PARD3B: variants seen among roughly 807,000 people sequenced by gnomAD.
PARD3B encodes the protein partitioning defective 3 homolog B.
A neutral mutation model predicts 130.2 loss-of-function variants in PARD3B; 103 were observed. That is an observed-to-expected ratio of 0.79 (90% CI 0.67 to 0.93). The LOEUF (loss-of-function observed/expected upper bound fraction) is 0.93, where lower values mean the gene tolerates loss of function less well. Among genes scored for constraint, PARD3B ranks in the 40% least tolerant of loss-of-function variants. The probability of loss-of-function intolerance (pLI) is 0.00; values close to 1 mark genes in which losing one functional copy is unlikely to be tolerated. For synonymous variants in PARD3B, 583 were observed against 553.2 expected (o/e 1.05, Z -0.76); for missense variants, 1,609 against 1,499.2 (o/e 1.07, Z -1.21).
chr2:205,301,747 C>G lies in PARD3B; in HGVS notation c.2630+46C>G. 1 of 1,614,010 alleles carries G rather than the reference C, an allele frequency of 6.2e-7. No homozygotes were observed. Among genetic ancestry groups the G allele is most frequent in the Non-Finnish European group, 8.5e-7 (1 of 1,179,938 alleles). On this transcript the variant is annotated intron_variant, in intron 18 of 22. Transcript: ENST00000406610. The surrounding 1 kb of genome is among the most constrained non-coding windows in gnomAD (Gnocchi z 5.2). ...CAAAGTTGGTTCTCATTTTGTCTCT[C>G]CTGGTAAAATCACTCCTTTGTCTGT...
Position 205,492,765 on chromosome 2 carries a change from T to C in PARD3B, c.3045-7131T>C, listed in dbSNP as rs139660435. On this transcript the variant is annotated intron_variant, in intron 20 of 22. Coordinates refer to ENST00000406610, the MANE Select transcript of PARD3B (RefSeq NM_001302769.2). Reference sequence around the variant, plus strand: ...GATAATTTTCAGAGCTGTTCTAGACTTAAATGTCATTTGAAGAATGCTATG... The same window carrying C: ...GATAATTTTCAGAGCTGTTCTAGACCTAAATGTCATTTGAAGAATGCTATG... Among the ~76,000 whole-genome samples, 143 of 152,298 alleles carry C rather than the reference T, an allele frequency of 9.4e-4. 1 individual carries two copies. Among genetic ancestry groups the C allele is most frequent in the Middle Eastern group, 3.4e-3 (1 of 294 alleles).
intron 2 of PARD3B, among the ~76,000 whole-genome samples, chr2:204,695,220 A>G (rs1338755771): frequency 1.3e-5 from 2 of 151,988 alleles, no homozygotes; most frequent in Non-Finnish European, 2.9e-5. Context: ...AGCTATTTGT[A>G]TAGGCATATC....
intron 18 of PARD3B, among the ~76,000 whole-genome samples, chr2:205,361,122 A>G (rs1039558349): frequency 2.0e-5 from 3 of 152,172 alleles, no homozygotes; most frequent in African/African-American, 7.2e-5. Context: ...AAAAACTTGG[A>G]GGAGACTAAT....
intron 2 of PARD3B, among the ~76,000 whole-genome samples, chr2:204,962,738 T>C (rs890011264): frequency 2.0e-5 from 3 of 152,298 alleles, no homozygotes; most frequent in Non-Finnish European, 2.9e-5. Context: ...ATTGTAGATG[T>C]TGAGATGAAG....
intron 2 of PARD3B, among the ~76,000 whole-genome samples, chr2:204,911,196 C>T (rs75725152): frequency 0.015 from 2,306 of 152,260 alleles, 40 homozygotes; most frequent in African/African-American, 0.039. Context: ...AGTGCACAAA[C>T]GAGACAGCAT....
intron 1 of PARD3B, among the ~76,000 whole-genome samples, chr2:204,666,637 A>G (rs2036037056): frequency 6.6e-6 from 1 of 152,168 alleles, no homozygotes; most frequent in Non-Finnish European, 1.5e-5. Flanking sequence ...GATGGATATC[A>G]TAAGGGGGGT....
At chr2:204,778,996 C>CT (rs1262806494) in intron 2 of PARD3B, among the ~76,000 whole-genome samples, 2 of 152,122 alleles carry the variant, frequency 1.3e-5, no homozygotes, top group African/African-American at 4.8e-5. Flanking sequence ...TCTCAAACCA[C>CT]TTTATTATGT....
chr2:205,303,942 T>C (rs990164497), intron 18 of PARD3B, among the ~76,000 whole-genome samples: 4 of 152,216 alleles, frequency 2.6e-5, no homozygotes, highest in Non-Finnish European at 4.4e-5. Flanking sequence ...ACTATACTTC[T>C]GTGGGCTGAA....
In PARD3B at chr2:205,468,224, A is replaced by AGT. The variant is rs2048700568; in HGVS notation, c.3044+27552_3044+27553insGT. ...CCACAGAAGGCTTCGACAACAACTA[A>AGT]CTCAGGCACATGTGAGACCAAACTC... On this transcript the variant is annotated intron_variant, in intron 20 of 22. Transcript: ENST00000406610. 2.6e-5 allele frequency among the ~76,000 whole-genome samples: 4 copies of AGT among 152,298 alleles called. No individual in the cohort carries two copies. The East Asian group carries it at 7.7e-4, about 29-fold the overall frequency.
At chr2:205,034,683 A>C (rs897431604) in intron 3 of PARD3B, among the ~76,000 whole-genome samples, 2 of 152,222 alleles carry the variant, frequency 1.3e-5, no homozygotes, top group Non-Finnish European at 2.9e-5. Context: ...ATAATTTTTT[A>C]AAAATTATAT....
intron 1 of PARD3B, among the ~76,000 whole-genome samples, chr2:204,574,690 G>A (rs73057269): frequency 0.057 from 8,724 of 152,216 alleles, 835 homozygotes; most frequent in African/African-American, 0.2. Flanking sequence ...GCTGTGGAAC[G>A]CTAAATGAGG....
chr2:205,112,421 C>T (rs1376249321), intron 5 of PARD3B, among the ~76,000 whole-genome samples: 1 of 152,052 alleles, frequency 6.6e-6, no homozygotes, highest in East Asian at 1.9e-4. Flanking sequence ...TTGCTTAATG[C>T]TGTTCTCAAC....
At chr2:204,952,142 G>A (rs908328710) in intron 2 of PARD3B, among the ~76,000 whole-genome samples, 3 of 152,190 alleles carry the variant, frequency 2.0e-5, no homozygotes, top group Non-Finnish European at 2.9e-5. Context: ...CCCCGTGCTA[G>A]TAATGGACAT....
chr2:204,944,534 G>A (rs568080333), intron 2 of PARD3B, among the ~76,000 whole-genome samples: 10 of 152,224 alleles, frequency 6.6e-5, no homozygotes, highest in Non-Finnish European at 1.3e-4. Flanking sequence ...ATCCCATTCA[G>A]CCTGGTGTTC....
chr2:205,176,520 A>G lies in PARD3B; in HGVS notation c.1867A>G (p.Asn623Asp), dbSNP rs192810274. 14,957 of 1,612,812 alleles carry G rather than the reference A, an allele frequency of 9.3e-3. 98 individuals carry two copies. Among genetic ancestry groups the G allele is most frequent in the Admixed American group, 9.7e-3 (579 of 59,950 alleles). Residue 623 changes from asparagine to aspartate, a missense_variant, in exon 13 of 23, where the codon AAT becomes GAT. Transcript: ENST00000406610. The surrounding 1 kb of genome is among the most constrained non-coding windows in gnomAD (Gnocchi z 5.3). ...AAATGCTGTAACCACCTCTAGGCGA[A>G]ATGATAATAGTATCCTGCATCCACT... ...CQNAVTTSRR[N>D]DNSILHPLGT... is the part of the protein sequence containing the mutation.
At chr2:204,826,054 GA>G (rs1314899110) in intron 2 of PARD3B, among the ~76,000 whole-genome samples, 1 of 152,156 alleles carries the variant, frequency 6.6e-6, no homozygotes, top group Non-Finnish European at 1.5e-5. Flanking sequence ...TTTTTCTGAG[GA>G]AATTCCAGGC....
intron 4 of PARD3B, among the ~76,000 whole-genome samples, chr2:205,057,276 TATATAC>T (rs967161107): frequency 6.0e-5 from 9 of 149,848 alleles, no homozygotes; most frequent in East Asian, 2.0e-4. Context: ...ATATGTATGT[TATATAC>T]ATATACATAT....
chr2:205,508,732 A>G (rs919597811), intron 21 of PARD3B, among the ~76,000 whole-genome samples: 5 of 152,166 alleles, frequency 3.3e-5, no homozygotes, highest in African/African-American at 1.2e-4. Flanking sequence ...TTGATTTCCA[A>G]AAACAGTGGA....
intron 2 of PARD3B, among the ~76,000 whole-genome samples, chr2:204,869,046 T>C (rs2045532759): frequency 2.0e-5 from 3 of 152,210 alleles, no homozygotes; most frequent in African/African-American, 7.2e-5. Context: ...AATACAACTT[T>C]GTAGGCTGTT....
Sources: gnomAD v4.1 joint callset for allele counts (sites outside exome capture counted in the v4.1 genomes callset) on GRCh38, gnomAD v4.1.1 for gene constraint, Gnocchi (gnomAD v3.1) non-coding constraint, MANE v1.5 for transcripts, NCBI Gene and HGNC (gene_info 2026-07-23, HGNC 2026-07-21) for gene names.